The following DLC1 variants were observed in gnomAD, a reference collection of about 807,000 sequenced individuals.
DLC1 encodes the protein DLC1 Rho GTPase activating protein, also known as rho GTPase-activating protein 7.
DLC1 carries 54 observed loss-of-function variants against 140.3 expected under a neutral mutation model. The ratio of observed to expected loss-of-function variants is 0.38; its 90% CI spans 0.31 to 0.48. The LOEUF is 0.48. DLC1 is among the 20% of genes least tolerant of loss of function. DLC1 has a pLI of 0.96. For missense variants in DLC1, 2,536 were observed against 1,907.0 expected, an observed-to-expected ratio of 1.33 and a Z score of -6.14; for synonymous variants, 986 against 728.1, an observed-to-expected ratio of 1.35 and a Z score of -5.70.
At chr8:13,214,900 T>C in intron 5 of DLC1, 1 of 667,514 alleles carries the variant, frequency 1.5e-6, no homozygotes, top group Non-Finnish European at 2.7e-6. Flanking sequence ...GCTCCATGAC[T>C]GGGAATAAGA....
chr8:13,524,958 G>C (rs1251642833), intron 1 of DLC1, among the ~76,000 whole-genome samples: 1 of 152,124 alleles, frequency 6.6e-6, no homozygotes, highest in Non-Finnish European at 1.5e-5. Context: ...TCACTGTCGA[G>C]TTTCCTCCTG....
intron 10 of DLC1, among the ~76,000 whole-genome samples, chr8:13,097,723 C>T (rs1011393533): frequency 6.6e-6 from 1 of 152,086 alleles, no homozygotes; most frequent in Non-Finnish European, 1.5e-5. Flanking sequence ...GTGGATTATT[C>T]TTAATATTGG....
chr8:13,197,392 A>G (rs182479853), intron 5 of DLC1, among the ~76,000 whole-genome samples: 1,705 of 152,002 alleles, frequency 0.011, 14 homozygotes, highest in South Asian at 0.037. Flanking sequence ...TCTGTCGCCC[A>G]GGCTGGAGTG....
chr8:13,144,444 G>A (rs987111214), intron 5 of DLC1, among the ~76,000 whole-genome samples: 6 of 152,122 alleles, frequency 3.9e-5, no homozygotes, highest in South Asian at 4.1e-4. Context: ...CTCAGCCTCC[G>A]TAATCACGTG....
rs185570819 is a variant in DLC1 at position 13,291,706 on chromosome 8, A to G, written c.1348+13563T>C. Among the ~76,000 whole-genome samples, 7 of 152,296 alleles carry G rather than the reference A, an allele frequency of 4.6e-5. No homozygotes were observed. The East Asian group carries it at 7.7e-4, about 17-fold the overall frequency. On this transcript the variant is annotated intron_variant, in intron 5 of 17. Coordinates refer to ENST00000276297, the MANE Select transcript of DLC1 (RefSeq NM_182643.3). ...AAATATAAATAAGGTAAATTCTAGA[A>G]AATCACAAAAATATTATGTAGTATT... is the stretch of plus-strand genomic sequence containing the variant.
At position 13,345,069 on chromosome 8, in the gene DLC1, C is replaced by T. The variant is rs1409162691; in HGVS notation, c.1315-39767G>A. ...ATGAATTTTAGGGTGAGTCCCTTCC[C>T]TGGCCCCGCCACACACATACTTATT... On this transcript the variant is annotated intron_variant, in intron 4 of 17. Transcript: ENST00000276297. Among the ~76,000 whole-genome samples the T allele has an allele frequency of 2.6e-5, 4 of 152,262 alleles. No homozygotes were observed. In the East Asian group the frequency reaches 7.7e-4, roughly 29 times the overall value.
intron 8 of DLC1, 94 bp from the exon 9 acceptor site, chr8:13,100,864 T>A: frequency 7.5e-7 from 1 of 1,326,488 alleles, no homozygotes; most frequent in South Asian, 1.7e-5. Flanking sequence ...ATGCCAGTAG[T>A]ATCAATTTCC....
At chr8:13,138,755 A>G (rs1822751444) in intron 5 of DLC1, among the ~76,000 whole-genome samples, 2 of 152,148 alleles carry the variant, frequency 1.3e-5, no homozygotes, top group South Asian at 4.1e-4. Context: ...CCCTACCCCC[A>G]CTCTCTACCC....
intron 5 of DLC1, among the ~76,000 whole-genome samples, chr8:13,152,395 A>G (rs997636263): frequency 1.3e-5 from 2 of 152,166 alleles, no homozygotes; most frequent in East Asian, 1.9e-4. Context: ...AAATGACTCA[A>G]TATGTTTGAA....
chr8:13,228,126 A>C (rs1377717054), intron 5 of DLC1, among the ~76,000 whole-genome samples: 2 of 152,166 alleles, frequency 1.3e-5, no homozygotes, highest in Non-Finnish European at 2.9e-5. Flanking sequence ...TATTGTTGGA[A>C]CAAAACTCAA....
intron 2 of DLC1, among the ~76,000 whole-genome samples, chr8:13,454,496 C>G (rs1447940219): frequency 6.6e-6 from 1 of 152,140 alleles, no homozygotes; most frequent in Non-Finnish European, 1.5e-5. Context: ...AGGAGTTAGA[C>G]TTGGAACAAA....
chr8:13,294,760 G>A (rs765106900), intron 5 of DLC1, among the ~76,000 whole-genome samples: 11 of 152,156 alleles, frequency 7.2e-5, no homozygotes, highest in African/African-American at 2.4e-4. Context: ...GCGGCTAAGA[G>A]CATGCACCGT....
intron 2 of DLC1, among the ~76,000 whole-genome samples, chr8:13,480,631 A>G (rs1461428158): frequency 6.6e-6 from 1 of 152,206 alleles, no homozygotes; most frequent in Admixed American, 6.5e-5. Flanking sequence ...CATACAACCA[A>G]CAAAAATTAA....
At chr8:13,450,599 T>C (rs1024203234) in intron 2 of DLC1, among the ~76,000 whole-genome samples, 20 of 152,194 alleles carry the variant, frequency 1.3e-4, no homozygotes, top group African/African-American at 4.6e-4. Flanking sequence ...GTATTCTTTA[T>C]TTTCTCAACT....
At chr8:13,093,983 G>C (rs1448661749) in intron 12 of DLC1, among the ~76,000 whole-genome samples, 1 of 152,328 alleles carries the variant, frequency 6.6e-6, no homozygotes, top group South Asian at 2.1e-4. Flanking sequence ...ATTTCTGGCA[G>C]AGACTGAGAT....
intron 5 of DLC1, among the ~76,000 whole-genome samples, chr8:13,271,001 C>G (rs1830911870): frequency 6.6e-6 from 1 of 152,168 alleles, no homozygotes. Context: ...AGTGCAAGAA[C>G]CAGGACTCAG....
chr8:13,086,021 G>A (rs1451683581), intron 17 of DLC1, 90 bp from the exon 18 acceptor site: 27 of 1,539,416 alleles, frequency 1.8e-5, no homozygotes, highest in Non-Finnish European at 2.0e-5. Context: ...TAGTTCAAAT[G>A]CATAAAATCT....
intron 2 of DLC1, among the ~76,000 whole-genome samples, chr8:13,453,548 A>G (rs1402735838): frequency 2.9e-4 from 13 of 45,166 alleles, no homozygotes; most frequent in Admixed American, 5.6e-4. Context: ...ACATATATAT[A>G]TATATATATT....
chr8:13,342,658 C>G (rs1834119312), intron 4 of DLC1: 1 of 152,266 alleles, frequency 6.6e-6, no homozygotes, highest in African/African-American at 2.4e-5. Context: ...GCAAGATCAA[C>G]TCTTAGCAGA....
Sources: allele counts gnomAD v4.1 joint callset (sites outside exome capture counted in the v4.1 genomes callset), GRCh38; gene constraint gnomAD v4.1.1; transcripts MANE v1.5; gene names NCBI Gene and HGNC (gene_info 2026-07-23, HGNC 2026-07-21).